NMD3: variants seen among roughly 807,000 people sequenced by gnomAD.
The protein encoded by NMD3 is NMD3 ribosome export adaptor, also known as 60S ribosomal export protein NMD3.
Under a neutral mutation model 73.1 loss-of-function variants are expected in NMD3, and 47 were observed. The observed-to-expected ratio is 0.64, with a 90% CI of 0.51 to 0.82. NMD3 has a LOEUF of 0.82. Ranked by LOEUF, NMD3 falls within the 40% of genes least tolerant of loss-of-function variation. The pLI, the probability that NMD3 is intolerant of heterozygous loss-of-function variation, is 0.00. For synonymous variants in NMD3, 210 were observed against 194.5 expected, an observed-to-expected ratio of 1.08 and a Z score of -0.66; for missense variants, 554 against 612.5, an observed-to-expected ratio of 0.90 and a Z score of 1.01.
In NMD3 at chr3:161,246,448, G is replaced by A; in HGVS notation, c.1130G>A (p.Gly377Glu). Reference sequence around the variant, plus strand: ...CTAAATCCCGGAGACCTGGTGTTAGGGTTTGTATTATTTCATATTTTAAAC... The same window carrying A: ...CTAAATCCCGGAGACCTGGTGTTAGAGTTTGTATTATTTCATATTTTAAAC... ...HLLNPGDLVL[G>E]FDLANCNLND... Residue 377 changes from glycine to glutamate, a missense_variant and splice_region_variant, in exon 12 of 16, where the codon GGG (glycine) becomes GAG (glutamate). Transcript: ENST00000351193. 1.5e-6 allele frequency: 2 copies of A among 1,365,316 alleles called. No homozygotes were observed. Among genetic ancestry groups the A allele is most frequent in the Non-Finnish European group, 2.0e-6 (2 of 988,294 alleles). 84.6% of individuals were successfully genotyped at this position (1,365,316 alleles called of 1,614,324 possible). A position where few individuals can be genotyped will look rare whatever the true frequency, so the allele number is the denominator to read the frequency against.
At chr3:161,234,605 ATTG>A in intron 5 of NMD3, 119 bp from the exon 6 acceptor site, 3 of 686,022 alleles carry the variant, frequency 4.4e-6, no homozygotes, top group Non-Finnish European at 7.0e-6. Context: ...AGGACATTTG[ATTG>A]ATGTCCTCAA....
intron 4 of NMD3, among the ~76,000 whole-genome samples, chr3:161,230,740 G>C (rs1474083214): frequency 6.6e-6 from 1 of 152,204 alleles, no homozygotes; most frequent in East Asian, 1.9e-4. Flanking sequence ...GGTTGATCTT[G>C]ATGGGAGTAT....
intron 14 of NMD3, among the ~76,000 whole-genome samples, chr3:161,249,974 A>T (rs1194838553): frequency 6.6e-6 from 1 of 152,194 alleles, no homozygotes; most frequent in African/African-American, 2.4e-5. Context: ...GGCTTGAGAT[A>T]AAAAGGAAAC....
At chr3:161,249,685 T>A in intron 14 of NMD3, 125 bp downstream of exon 14, 1 of 708,234 alleles carries the variant, frequency 1.4e-6, no homozygotes, top group Non-Finnish European at 2.6e-6. Context: ...TCTTGGATTC[T>A]TATCAAGGTA....
chr3:161,228,550 CT>C lies in NMD3; in HGVS notation c.276+1210del, dbSNP rs530081706. Among the ~76,000 whole-genome samples, 154 of 150,136 alleles carry C rather than the reference CT, an allele frequency of 1.0e-3. 1 individual carries two copies. Among genetic ancestry groups the C allele is most frequent in the African/African-American group, 3.5e-3 (143 of 40,860 alleles). On this transcript the variant is annotated intron_variant, in intron 4 of 15. Coordinates refer to ENST00000351193, the MANE Select transcript of NMD3 (RefSeq NM_015938.5). The stretch of plus-strand genomic sequence containing the variant: ...TTTGATAATAGGACTTTTTTTGTTT[CT>C]TTCTGTTCCCTCATTTGTCTCTGTT...
At chr3:161,227,379 T>G in intron 4 of NMD3, 36 bp downstream of exon 4, 1 of 1,262,102 alleles carries the variant, frequency 7.9e-7, no homozygotes, top group Non-Finnish European at 1.1e-6. Context: ...TTCATAGGTA[T>G]GTTTTCATTA....
At chr3:161,232,608 G>C (rs1364245808) in intron 4 of NMD3, among the ~76,000 whole-genome samples, 1 of 152,298 alleles carries the variant, frequency 6.6e-6, no homozygotes, top group African/African-American at 2.4e-5. Flanking sequence ...TCTGGAGTCT[G>C]TTCTCTTCCT....
chr3:161,238,508 C>G (rs1249433314), intron 8 of NMD3, among the ~76,000 whole-genome samples: 2 of 152,128 alleles, frequency 1.3e-5, no homozygotes, highest in South Asian at 2.1e-4. Flanking sequence ...ACAGCATGTT[C>G]TAGAGGTTTG....
rs748909858 is a variant in NMD3 at position 161,241,138 on chromosome 3, C to T, written c.846C>T (p.His282=). Residue 282 remains histidine, a synonymous_variant, in exon 10 of 16, where the codon CAC becomes CAT. Coordinates refer to ENST00000351193, the MANE Select transcript of NMD3 (RefSeq NM_015938.5). ...GTATTCGAGTAACCAGTGCCATTCACCTCATTGATCCAAACACCCTACAAG... is the reference window on the plus strand; with the variant it reads ...GTATTCGAGTAACCAGTGCCATTCATCTCATTGATCCAAACACCCTACAAG... The part of the protein sequence containing the change: ...CVCIRVTSAI[H]LIDPNTLQVA... The T allele has an allele frequency of 2.5e-6, 4 of 1,608,890 alleles. No individual in the cohort carries two copies. The African/African-American group carries it at 5.3e-5, about 22-fold the overall frequency.
chr3:161,250,062 G>A (rs1737417498), intron 14 of NMD3, among the ~76,000 whole-genome samples, 194 bp from the exon 15 acceptor site: 1 of 152,016 alleles, frequency 6.6e-6, no homozygotes, highest in Non-Finnish European at 1.5e-5. Context: ...CAGTTTATTG[G>A]ATGATTCAAA....
chr3:161,245,653 C>G (rs115098651), intron 11 of NMD3, among the ~76,000 whole-genome samples: 3,573 of 151,878 alleles, frequency 0.024, 62 homozygotes, highest in African/African-American at 0.025. Flanking sequence ...TTCTCTCGAT[C>G]TCACTTCAGT....
chr3:161,226,039 T>C (rs1445431049), intron 3 of NMD3, among the ~76,000 whole-genome samples: 1 of 152,210 alleles, frequency 6.6e-6, no homozygotes, highest in African/African-American at 2.4e-5. Flanking sequence ...TTAGTTTGTC[T>C]TGGCTTCCTC....
At chr3:161,229,134 A>G (rs543178296) in intron 4 of NMD3, among the ~76,000 whole-genome samples, 4 of 152,334 alleles carry the variant, frequency 2.6e-5, no homozygotes, top group African/African-American at 9.6e-5. Context: ...GAGTCCAGAA[A>G]AGTCATGGAA....
intron 4 of NMD3, among the ~76,000 whole-genome samples, chr3:161,227,722 C>G (rs1225656259): frequency 6.6e-6 from 1 of 152,124 alleles, no homozygotes; most frequent in Non-Finnish European, 1.5e-5. Context: ...GCTGGGATTA[C>G]AGGCGTGAGC....
intron 3 of NMD3, 51 bp from the exon 4 acceptor site, chr3:161,227,196 T>C (rs1410766619): frequency 1.0e-5 from 12 of 1,200,774 alleles, no homozygotes; most frequent in Non-Finnish European, 1.5e-5. Flanking sequence ...GATGGAAATT[T>C]CTGTGTTTCC....
intron 11 of NMD3, among the ~76,000 whole-genome samples, chr3:161,244,118 G>A (rs1737099548): frequency 6.6e-6 from 1 of 152,004 alleles, no homozygotes; most frequent in South Asian, 2.1e-4. Flanking sequence ...TGAAATGCTC[G>A]CCTGCATACA....
chr3:161,243,621 C>T (rs1182572303), intron 11 of NMD3, among the ~76,000 whole-genome samples: 1 of 152,196 alleles, frequency 6.6e-6, no homozygotes, highest in South Asian at 2.1e-4. Context: ...TTGTAGAATA[C>T]TCCACCTTCT....
At chr3:161,250,431 T>G (rs1205527102) in intron 15 of NMD3, 105 bp downstream of exon 15, 6 of 695,264 alleles carry the variant, frequency 8.6e-6, no homozygotes, top group Non-Finnish European at 1.4e-5. Context: ...ATGTCTTTAA[T>G]TGTTTTTTCA....
Position 161,242,528 on chromosome 3 carries a change from A to T in NMD3, c.892A>T (p.Thr298Ser). ...TTTAGTGGCAGATATTGATGGGAGCACTTTCTGGAGTCACCCTTTCAATAG... is the reference window on the plus strand; with the variant it reads ...TTTAGTGGCAGATATTGATGGGAGCTCTTTCTGGAGTCACCCTTTCAATAG... Reference protein sequence around the residue: ...TLQVADIDGSTFWSHPFNSLC... With the variant: ...TLQVADIDGSSFWSHPFNSLC... Residue 298 changes from threonine to serine, a missense_variant, in exon 11 of 16, where the codon ACT (threonine) becomes TCT (serine). By Grantham distance (58) the Thr-to-Ser change is moderately conservative (BLOSUM62 1). Coordinates refer to ENST00000351193, the MANE Select transcript of NMD3 (RefSeq NM_015938.5). 1 of 1,613,268 alleles carries T rather than the reference A, an allele frequency of 6.2e-7. No individual in the cohort carries two copies. Among genetic ancestry groups the T allele is most frequent in the Non-Finnish European group, 8.5e-7 (1 of 1,179,536 alleles).
Sources: gnomAD v4.1 joint callset for allele counts (sites outside exome capture counted in the v4.1 genomes callset) on GRCh38, gnomAD v4.1.1 for gene constraint, MANE v1.5 for transcripts, NCBI Gene and HGNC (gene_info 2026-07-23, HGNC 2026-07-21) for gene names.